Variants in MAS1 observed in about 807,000 individuals in gnomAD.
MAS1 encodes the protein MAS1 proto-oncogene, G protein-coupled receptor.
For synonymous variants in MAS1, 163 were observed against 164.2 expected, an observed-to-expected ratio of 0.99 and a Z score of 0.05; for missense variants, 387 against 409.7, an observed-to-expected ratio of 0.94 and a Z score of 0.48.
At chr6:159,896,379 A>T (rs183280944) in intron 1 of MAS1, among the ~76,000 whole-genome samples, 1 of 152,352 alleles carries the variant, frequency 6.6e-6, no homozygotes, top group East Asian at 1.9e-4. Context: ...TAGAGTATAT[A>T]CTGACATGAG....
chr6:159,905,128 T>C (rs1299043410), intron 2 of MAS1, among the ~76,000 whole-genome samples: 3 of 152,254 alleles, frequency 2.0e-5, no homozygotes, highest in Non-Finnish European at 4.4e-5. Flanking sequence ...TGTATTTTGC[T>C]TGACTGCCTC....
intron 1 of MAS1, among the ~76,000 whole-genome samples, chr6:159,896,669 A>G (rs950451943): frequency 6.6e-6 from 1 of 152,238 alleles, no homozygotes; most frequent in African/African-American, 2.4e-5. Flanking sequence ...TAAAGAGGCT[A>G]TAAAATGAGC....
At chr6:159,898,699 T>C (rs372171152) in intron 1 of MAS1, among the ~76,000 whole-genome samples, 25 of 13,022 alleles carry the variant, frequency 1.9e-3, no homozygotes, top group East Asian at 0.012. Flanking sequence ...TTCCTCCTCC[T>C]TCATCCTCCT....
rs1413307153 is a variant in MAS1, at chr6:159,908,050, T to C, written c.*117T>C. 1.8e-6 allele frequency: 2 copies of C among 1,098,006 alleles called. No individual in the cohort carries two copies. Among genetic ancestry groups the C allele is most frequent in the African/African-American group, 1.6e-5 (1 of 62,746 alleles). 68.0% of individuals were successfully genotyped at this position (1,098,006 alleles called of 1,614,324 possible). On this transcript the variant is annotated 3_prime_UTR_variant, in exon 3 of 3. Transcript: ENST00000674077. ...ATACAGAAGAACATCTCATCCCATATGCATGAGATACTAATTAATGATGAA... is the reference window on the plus strand; with the variant it reads ...ATACAGAAGAACATCTCATCCCATACGCATGAGATACTAATTAATGATGAA...
chr6:159,898,827 C>G (rs997335562), intron 1 of MAS1, among the ~76,000 whole-genome samples: 1 of 151,950 alleles, frequency 6.6e-6, no homozygotes, highest in Non-Finnish European at 1.5e-5. Flanking sequence ...CTTCTTTCTT[C>G]TTACTGTCTC....
chr6:159,889,551 G>C, upstream of MAS1, among the ~76,000 whole-genome samples: 1 of 152,060 alleles, frequency 6.6e-6, no homozygotes, highest in Non-Finnish European at 1.5e-5. Flanking sequence ...GTTTTCTTCC[G>C]TGGGTCTGAT....
At chr6:159,900,014 C>A (rs1782804913) in intron 2 of MAS1, among the ~76,000 whole-genome samples, 1 of 152,024 alleles carries the variant, frequency 6.6e-6, no homozygotes, top group African/African-American at 2.4e-5. Context: ...ACACTGCAGT[C>A]CAGCCTGGGC....
chr6:159,895,395 T>C (rs1021529569), intron 1 of MAS1, among the ~76,000 whole-genome samples: 4 of 152,254 alleles, frequency 2.6e-5, no homozygotes, highest in African/African-American at 7.2e-5. Flanking sequence ...GGTCTGACTT[T>C]ACCAATAAGA....
chr6:159,907,683 C>G lies in MAS1; in HGVS notation c.728C>G (p.Pro243Arg), dbSNP rs1440192017. 6.8e-6 allele frequency: 11 copies of G among 1,613,602 alleles called. No individual in the cohort carries two copies. The highest frequency in any genetic ancestry group is 9.3e-6 in the Non-Finnish European group (11 of 1,179,944). The change falls in exon 3 of 3, where the codon CCC becomes CGC. Residue 243 changes from proline to arginine, a missense_variant. Coordinates refer to ENST00000674077, the MANE Select transcript of MAS1 (RefSeq NM_002377.4). ...TIIIFLIFAM[P>R]MRLLYLLYYE... ...ATTATATTCCTCATCTTCGCTATGCCCATGAGACTCCTTTACCTGCTGTAC... is the reference window on the plus strand; with the variant it reads ...ATTATATTCCTCATCTTCGCTATGCGCATGAGACTCCTTTACCTGCTGTAC...
chr6:159,897,979 G>C (rs369607943), intron 1 of MAS1, among the ~76,000 whole-genome samples: 4 of 151,936 alleles, frequency 2.6e-5, no homozygotes, highest in African/African-American at 9.7e-5. Context: ...TGCATCCTCT[G>C]TCTCCGGGGT....
intron 2 of MAS1, among the ~76,000 whole-genome samples, chr6:159,900,731 G>C (rs570012957): frequency 6.6e-4 from 100 of 152,272 alleles, no homozygotes; most frequent in Non-Finnish European, 1.1e-3. Context: ...GCCCTGCACT[G>C]AAAGTGGTGG....
At position 159,913,564 on chromosome 6, in the gene MAS1, G is replaced by A. The variant is rs1782988592; in HGVS notation, c.*5631G>A. 6.6e-6 allele frequency: 1 copy of A among 152,170 alleles called. No homozygotes were observed. Among genetic ancestry groups the A allele is most frequent in the Non-Finnish European group, 1.5e-5 (1 of 68,048 alleles). 9.4% of individuals were successfully genotyped at this position (152,170 alleles called of 1,614,324 possible). ...GGCAATCGAGGTGGTACACTCACAA[G>A]GCTGGTCATTTCCTGGGGCTCAGCT... is the stretch of plus-strand genomic sequence containing the variant. On this transcript the variant is annotated 3_prime_UTR_variant, in exon 3 of 3. Coordinates refer to ENST00000674077, the MANE Select transcript of MAS1 (RefSeq NM_002377.4).
In MAS1 at chr6:159,915,212, C is replaced by T. The variant is rs896728443; in HGVS notation, c.*7279C>T. On this transcript the variant is annotated 3_prime_UTR_variant, in exon 3 of 3. Transcript: ENST00000674077. ...GCAACGTATACAAAGAAACATTGTT[C>T]TCAAAGGAAACTGGTGAAGTTTGGG... 1 of 152,206 alleles carries T rather than the reference C, an allele frequency of 6.6e-6. No individual in the cohort carries two copies. Among genetic ancestry groups the T allele is most frequent in the African/African-American group, 2.4e-5 (1 of 41,446 alleles). The allele number at this position is 152,206 out of a possible 1,614,324, so 9.4% of individuals were successfully genotyped here. A position where few individuals can be genotyped will look rare whatever the true frequency, so the allele number is the denominator to read the frequency against.
rs1782971830 is a variant in MAS1 at position 159,912,132 on chromosome 6, G to A, written c.*4199G>A. ...CTCTGGAGACAGCATTGTATGCACTGAGATGAGCAACTGGAGAGCCACCAG... is the reference window on the plus strand; with the variant it reads ...CTCTGGAGACAGCATTGTATGCACTAAGATGAGCAACTGGAGAGCCACCAG... On this transcript the variant is annotated 3_prime_UTR_variant, in exon 3 of 3. Transcript: ENST00000674077. The A allele has an allele frequency of 6.6e-6, 1 of 152,352 alleles. No individual in the cohort carries two copies. The highest frequency in any genetic ancestry group is 6.5e-5 in the Admixed American group (1 of 15,288). The allele number at this position is 152,352 out of a possible 1,614,324, so 9.4% of individuals were successfully genotyped here.
rs980033117 is a variant in MAS1, at chr6:159,910,601, AT to A, written c.*2671del. 1 of 152,176 alleles carries A rather than the reference AT, an allele frequency of 6.6e-6. No individual in the cohort carries two copies. Among genetic ancestry groups the A allele is most frequent in the African/African-American group, 2.4e-5 (1 of 41,406 alleles). The allele number at this position is 152,176 out of a possible 1,614,324, so 9.4% of individuals were successfully genotyped here. A position where few individuals can be genotyped will look rare whatever the true frequency, so the allele number is the denominator to read the frequency against. On this transcript the variant is annotated 3_prime_UTR_variant, in exon 3 of 3. Coordinates refer to ENST00000674077, the MANE Select transcript of MAS1 (RefSeq NM_002377.4). ...TTGCTCACTGCTGTAGCCCCAGCTT[AT>A]TTGCTGTGTTGGTCGAATCCACTGC...
intron 1 of MAS1, among the ~76,000 whole-genome samples, chr6:159,897,222 G>A (rs559906847): frequency 3.9e-5 from 6 of 152,212 alleles, no homozygotes; most frequent in African/African-American, 1.4e-4. Flanking sequence ...GGGCACCAGG[G>A]AATGTGGAGT....
chr6:159,891,261 C>T (rs920333342), intron 1 of MAS1, among the ~76,000 whole-genome samples, 128 bp downstream of exon 1: 12 of 152,106 alleles, frequency 7.9e-5, no homozygotes, highest in African/African-American at 2.2e-4. Context: ...TTATTTTTTT[C>T]GGTGTGTTAG....
chr6:159,904,968 C>A (rs542540629), intron 2 of MAS1, among the ~76,000 whole-genome samples: 1 of 152,284 alleles, frequency 6.6e-6, no homozygotes, highest in East Asian at 1.9e-4. Context: ...TGTCTTTGCC[C>A]AAGTGTGACC....
chr6:159,896,628 A>G (rs1782756552), intron 1 of MAS1, among the ~76,000 whole-genome samples: 1 of 152,210 alleles, frequency 6.6e-6, no homozygotes. Context: ...ATAAACATTT[A>G]AAAGAAAATA....
Sources: allele counts gnomAD v4.1 joint callset (sites outside exome capture counted in the v4.1 genomes callset), GRCh38; gene constraint gnomAD v4.1.1; transcripts MANE v1.5; gene names NCBI Gene and HGNC (gene_info 2026-07-23, HGNC 2026-07-21).